NEDD4: variants seen among roughly 807,000 people sequenced by gnomAD.
NEDD4 encodes the protein NEDD4 E3 ubiquitin protein ligase.
Under a neutral mutation model 144.9 loss-of-function variants are expected in NEDD4, and 99 were observed. That is an observed-to-expected ratio of 0.68 (90% CI 0.58 to 0.81). The LOEUF is 0.81. Ranked by LOEUF, NEDD4 falls within the 30% of genes least tolerant of loss-of-function variation. The pLI is 0.00. For synonymous variants in NEDD4, 318 were observed against 350.6 expected, an observed-to-expected ratio of 0.91 and a Z score of 1.04; for missense variants, 985 against 1,065.9, an observed-to-expected ratio of 0.92 and a Z score of 1.06.
At chr15:55,936,396 T>G (rs1323449962) in intron 4 of NEDD4, among the ~76,000 whole-genome samples, 1 of 152,086 alleles carries the variant, frequency 6.6e-6, no homozygotes, top group Non-Finnish European at 1.5e-5. Context: ...AGGTAAGTTT[T>G]TTCCCCCTAT....
At chr15:55,950,150 A>C (rs1368021755) in intron 4 of NEDD4, among the ~76,000 whole-genome samples, 13 of 152,182 alleles carry the variant, frequency 8.5e-5, no homozygotes, top group African/African-American at 3.1e-4. Context: ...GTAAAAACAG[A>C]AATTTAGCTT....
At chr15:55,861,450 G>T (rs2034404349) in intron 9 of NEDD4, among the ~76,000 whole-genome samples, 2 of 152,118 alleles carry the variant, frequency 1.3e-5, no homozygotes, top group East Asian at 3.9e-4. Context: ...AAAACAGAAA[G>T]AATGAATAAG....
chr15:55,846,779 G>A (rs1345496600), intron 18 of NEDD4, among the ~76,000 whole-genome samples, 190 bp downstream of exon 18: 2 of 152,074 alleles, frequency 1.3e-5, no homozygotes, highest in Non-Finnish European at 2.9e-5. Context: ...GAAAAATAAA[G>A]ACATAAACTA....
chr15:55,989,034 G>T (rs547828578), intron 1 of NEDD4, among the ~76,000 whole-genome samples: 1 of 152,074 alleles, frequency 6.6e-6, no homozygotes, highest in African/African-American at 2.4e-5. Context: ...TCAGGAGTTC[G>T]AGACCAGCCT....
At chr15:55,905,215 G>C (rs1205245168) in intron 5 of NEDD4, 4 of 448,602 alleles carry the variant, frequency 8.9e-6, no homozygotes, top group African/African-American at 8.1e-5. Flanking sequence ...ATTTTACCTG[G>C]AATTCACTCA....
At chr15:55,849,472 G>A (rs184273121) in intron 14 of NEDD4, among the ~76,000 whole-genome samples, 32 of 152,056 alleles carry the variant, frequency 2.1e-4, no homozygotes, top group African/African-American at 6.7e-4. Flanking sequence ...TGATCCACCC[G>A]CCTTGGCCTC....
At chr15:55,964,027 G>T (rs543428724) in intron 2 of NEDD4, among the ~76,000 whole-genome samples, 1 of 151,968 alleles carries the variant, frequency 6.6e-6, no homozygotes, top group South Asian at 2.1e-4. Flanking sequence ...TTCTCTTTTT[G>T]TCAAGATTTT....
At chr15:55,831,432 GAAGA>G (rs2032945554) in intron 27 of NEDD4, among the ~76,000 whole-genome samples, 1 of 152,184 alleles carries the variant, frequency 6.6e-6, no homozygotes. Flanking sequence ...GGGTTACATA[GAAGA>G]GAGAAGAGAG....
At chr15:55,910,102 G>A (rs2036224027) in intron 5 of NEDD4, among the ~76,000 whole-genome samples, 1 of 152,098 alleles carries the variant, frequency 6.6e-6, no homozygotes, top group Admixed American at 6.6e-5. Context: ...AAAAGAGACT[G>A]TACTCTCCCT....
chr15:55,969,892 A>G (rs1416646192), intron 1 of NEDD4, among the ~76,000 whole-genome samples: 1 of 152,088 alleles, frequency 6.6e-6, no homozygotes, highest in Non-Finnish European at 1.5e-5. Flanking sequence ...AAAAGTAAAA[A>G]AAAAAAAATT....
chr15:55,936,561 A>C (rs1212219793), intron 4 of NEDD4, among the ~76,000 whole-genome samples: 3 of 152,226 alleles, frequency 2.0e-5, no homozygotes, highest in African/African-American at 7.2e-5. Context: ...AACATAATAT[A>C]AACATACACT....
At chr15:55,868,627 G>T (rs532098229) in intron 8 of NEDD4, among the ~76,000 whole-genome samples, 2 of 152,030 alleles carry the variant, frequency 1.3e-5, no homozygotes, top group South Asian at 2.1e-4. Context: ...CACCATGATT[G>T]TGAGACCTCC....
intron 2 of NEDD4, among the ~76,000 whole-genome samples, chr15:55,961,844 T>C (rs1211185822): frequency 6.6e-6 from 1 of 152,182 alleles, no homozygotes; most frequent in African/African-American, 2.4e-5. Context: ...ATGTACCATG[T>C]ACACTTGAAA....
At chr15:55,893,345 T>C (rs1328916794) in intron 5 of NEDD4, among the ~76,000 whole-genome samples, 5 of 151,906 alleles carry the variant, frequency 3.3e-5, no homozygotes, top group African/African-American at 9.7e-5. Context: ...AAAAAAGAAA[T>C]TGAAAGAATT....
At chr15:55,969,949 A>G (rs933806131) in intron 1 of NEDD4, among the ~76,000 whole-genome samples, 1 of 152,088 alleles carries the variant, frequency 6.6e-6, no homozygotes, top group African/African-American at 2.4e-5. Context: ...TAAAGCACCA[A>G]TCAGACTCCT....
In NEDD4 at chr15:55,850,533, CA is replaced by C; in HGVS notation, c.1347+8del. 1 of 1,613,406 alleles carries C rather than the reference CA, an allele frequency of 6.2e-7. No homozygotes were observed. Among genetic ancestry groups the C allele is most frequent in the Non-Finnish European group, 8.5e-7 (1 of 1,179,640 alleles). On this transcript the variant is annotated splice_region_variant and intron_variant, in intron 14 of 28. Transcript: ENST00000435532. ...GTTATAAATTTAAATGGAAAAGTAT[CA>C]AAGTTACCCAGGTGGTGGTTTTAGT...
intron 8 of NEDD4, among the ~76,000 whole-genome samples, chr15:55,865,581 G>A (rs2034559141): frequency 6.6e-6 from 1 of 151,890 alleles, no homozygotes; most frequent in Admixed American, 6.6e-5. Flanking sequence ...TGACAAAGTG[G>A]CAAACATTTT....
chr15:55,831,430 T>C (rs62046606), intron 27 of NEDD4, among the ~76,000 whole-genome samples: 5 of 152,012 alleles, frequency 3.3e-5, no homozygotes, highest in Non-Finnish European at 5.9e-5. Context: ...CTGGGTTACA[T>C]AGAAGAGAGA....
rs1276225170 is a variant in NEDD4, at chr15:55,860,372, T to A, written c.960+35A>T. 3 of 1,605,954 alleles carry A rather than the reference T, an allele frequency of 1.9e-6. No homozygotes were observed. In the South Asian group the frequency reaches 3.3e-5, roughly 18 times the overall value. On this transcript the variant is annotated intron_variant, in intron 11 of 28. Transcript: ENST00000435532. ...ATAGTATAATATGCATAATATAAAC[T>A]ACTGAAGCCGTAACAAAATCTAAGA...
Sources: gnomAD v4.1 joint callset for allele counts (sites outside exome capture counted in the v4.1 genomes callset) on GRCh38, gnomAD v4.1.1 for gene constraint, MANE v1.5 for transcripts, NCBI Gene and HGNC (gene_info 2026-07-23, HGNC 2026-07-21) for gene names.